The following NECAB3 variants were observed in gnomAD, a reference collection of about 807,000 sequenced individuals.
NECAB3 encodes N-terminal EF-hand calcium-binding protein 3.
A neutral mutation model predicts 57.2 loss-of-function variants in NECAB3; 38 were observed. That is an observed-to-expected ratio of 0.66 (90% CI 0.51 to 0.87). The LOEUF (loss-of-function observed/expected upper bound fraction) is 0.87, where lower values mean the gene tolerates loss of function less well. NECAB3 is among the 40% of genes least tolerant of loss of function. The pLI is 0.00. For missense variants in NECAB3, 474 were observed against 527.5 expected (o/e 0.90, Z 0.99); for synonymous variants, 223 against 222.6 (o/e 1.00, Z -0.02).
Position 33,668,253 on chromosome 20 carries a change from G to C in NECAB3, c.387+1122C>G, listed in dbSNP as rs776912431. The C allele has an allele frequency of 1.5e-5, 24 of 1,559,764 alleles. No homozygotes were observed. In the Admixed American group the frequency reaches 3.2e-4, roughly 21 times the overall value. On this transcript the variant is annotated intron_variant, in intron 5 of 11. Coordinates refer to ENST00000246190, the MANE Select transcript of NECAB3 (RefSeq NM_031232.4). ...TCAACTGAGTCAGGCTGGACTGGGG[G>C]GGGTGGCACTGCGTTGGGGGACAGC...
chr20:33,674,098 A>G, intron 1 of NECAB3, 126 bp downstream of exon 1: 1 of 1,043,106 alleles, frequency 9.6e-7, no homozygotes, highest in Non-Finnish European at 1.2e-6. Context: ...GGTCAAGAGA[A>G]AACAGCAGGG....
At position 33,660,443 on chromosome 20, in the gene NECAB3, T is replaced by G. The variant is rs2017435145; in HGVS notation, c.388-48A>C. ...CAGCATCTCCCAGCCCGGGCACTGA[T>G]CTCTTGAGTGGGTCCCCTGCCTCTT... On this transcript the variant is annotated intron_variant, in intron 5 of 11. Transcript: ENST00000246190. This position sits in a 1 kb window ranked among gnomAD's most constrained non-coding sequence, Gnocchi z 4.1. The G allele has an allele frequency of 6.3e-7, 1 of 1,599,014 alleles. No homozygotes were observed. The highest frequency in any genetic ancestry group is 8.5e-7 in the Non-Finnish European group (1 of 1,170,326).
intron 5 of NECAB3, chr20:33,668,172 C>A: frequency 6.2e-7 from 1 of 1,612,070 alleles, no homozygotes; most frequent in East Asian, 2.2e-5. Context: ...TCCAGCGCCG[C>A]TGGATAACTC....
intron 5 of NECAB3, among the ~76,000 whole-genome samples, chr20:33,666,215 C>T (rs951910393): frequency 1.3e-5 from 2 of 152,156 alleles, no homozygotes; most frequent in Admixed American, 6.5e-5. Context: ...GATGAAAAAG[C>T]TTTTTCTTCA....
chr20:33,668,089 C>T (rs1316127035), intron 5 of NECAB3: 4 of 1,598,152 alleles, frequency 2.5e-6, no homozygotes, highest in Non-Finnish European at 3.4e-6. Flanking sequence ...CCTGCGGCCC[C>T]ACCTGGTGGC....
At chr20:33,672,270 TCTC>T in intron 2 of NECAB3, 125 bp downstream of exon 2, 1 of 1,085,528 alleles carries the variant, frequency 9.2e-7, no homozygotes, top group Non-Finnish European at 1.4e-6. Flanking sequence ...CTTGATTGAT[TCTC>T]CTGTTTTGGG....
intron 5 of NECAB3, chr20:33,666,702 C>T (rs2017662460): frequency 6.6e-6 from 1 of 152,400 alleles, no homozygotes; most frequent in Non-Finnish European, 1.5e-5. Flanking sequence ...AACAGCAAAG[C>T]AGAGGCGGGT....
At chr20:33,663,658 G>A (rs769219793) in intron 5 of NECAB3, 19 of 1,589,592 alleles carry the variant, frequency 1.2e-5, no homozygotes, top group Non-Finnish European at 1.5e-5. Flanking sequence ...CGGAGCGGGC[G>A]AAGGTAGCGA....
intron 5 of NECAB3, chr20:33,662,510 C>T (rs1439756228): frequency 1.3e-6 from 2 of 1,543,930 alleles, no homozygotes; most frequent in African/African-American, 2.7e-5. Flanking sequence ...GGGGAGGCAG[C>T]TGGGGGGCAG....
chr20:33,659,747 CGTGCA>C lies in NECAB3; in HGVS notation c.644-20_644-16del. ...TGAGCTGCGCCCTGTGTGTGGGGCC[CGTGCA>C]GGGTCAGGCAGGGGCCTCTCAGGTC... On this transcript the variant is annotated splice_polypyrimidine_tract_variant and intron_variant, in intron 7 of 11. Coordinates refer to ENST00000246190, the MANE Select transcript of NECAB3 (RefSeq NM_031232.4). 6.4e-7 allele frequency: 1 copy of C among 1,572,898 alleles called. No individual in the cohort carries two copies. Among genetic ancestry groups the C allele is most frequent in the Non-Finnish European group, 8.6e-7 (1 of 1,162,810 alleles).
Position 33,660,246 on chromosome 20 carries a change from C to A in NECAB3, c.524+13G>T, listed in dbSNP as rs747807083. 1 of 1,610,858 alleles carries A rather than the reference C, an allele frequency of 6.2e-7. No individual in the cohort carries two copies. The highest frequency in any genetic ancestry group is 8.5e-7 in the Non-Finnish European group (1 of 1,178,512). On this transcript the variant is annotated intron_variant, in intron 6 of 11. Transcript: ENST00000246190. The surrounding 1 kb of genome is among the most constrained non-coding windows in gnomAD (Gnocchi z 4.1). Reference sequence around the variant, plus strand: ...GTGCACTAGCCCCACAGGTTGACAGCACCCTTACATACCGCCAGCCATGGG... The same window carrying A: ...GTGCACTAGCCCCACAGGTTGACAGAACCCTTACATACCGCCAGCCATGGG...
intron 5 of NECAB3, chr20:33,667,874 C>T: frequency 6.3e-7 from 1 of 1,599,276 alleles, no homozygotes; most frequent in Middle Eastern, 1.7e-4. Context: ...TGCCCCGAAC[C>T]CATCTTCCAG....
At position 33,658,741 on chromosome 20, in the gene NECAB3, C is replaced by A; in HGVS notation, c.973G>T (p.Ala325Ser). 2 of 1,613,720 alleles carry A rather than the reference C, an allele frequency of 1.2e-6. No homozygotes were observed. The highest frequency in any genetic ancestry group is 1.7e-6 in the Non-Finnish European group (2 of 1,179,932). ...ACTCACTGCAGACAATGGCTCTGGG[C>A]CCCTGTGAAGTCCACATAGCAGCGC... The part of the protein sequence containing the change: ...ALRCYVDFTG[A>S]QSHCLHVSAQ... Residue 325 changes from alanine (A) to serine (S), a missense_variant, in exon 9 of 12, where the codon GCC becomes TCC. Ala to Ser is a moderately conservative substitution (Grantham distance 99). Transcript: ENST00000246190.
At position 33,657,784 on chromosome 20, in the gene NECAB3, G is replaced by C. The variant is rs2017329982; in HGVS notation, c.*45C>G. ...CTGGCCAGTCCAGAAGGCTCCAGAG[G>C]GAGGCAGGCAGGGTCCCGGGGCCCT... On this transcript the variant is annotated 3_prime_UTR_variant, in exon 12 of 12. Transcript: ENST00000246190. 6.7e-7 allele frequency: 1 copy of C among 1,495,062 alleles called. No homozygotes were observed. The highest frequency in any genetic ancestry group is 8.9e-7 in the Non-Finnish European group (1 of 1,117,910). 92.6% of individuals were successfully genotyped at this position (1,495,062 alleles called of 1,614,324 possible). A position where few individuals can be genotyped will look rare whatever the true frequency, so the allele number is the denominator to read the frequency against.
At chr20:33,673,687 G>T (rs1000451973) in intron 1 of NECAB3, among the ~76,000 whole-genome samples, 2 of 152,174 alleles carry the variant, frequency 1.3e-5, no homozygotes, top group Admixed American at 6.5e-5. Context: ...GGCCAGGACA[G>T]AGCCGAGCAC....
intron 5 of NECAB3, chr20:33,662,230 G>C: frequency 2.2e-6 from 3 of 1,377,622 alleles, no homozygotes; most frequent in Non-Finnish European, 2.9e-6. Context: ...CCTGGAAGGC[G>C]GTGCTCAGAG....
chr20:33,662,451 C>T (rs1660828423), intron 5 of NECAB3: 1 of 1,551,726 alleles, frequency 6.4e-7, no homozygotes, highest in African/African-American at 1.4e-5. Flanking sequence ...CCTCAACCAC[C>T]TCACTCGGAA....
At chr20:33,662,310 T>C in intron 5 of NECAB3, 1 of 1,548,198 alleles carries the variant, frequency 6.5e-7, no homozygotes, top group Non-Finnish European at 8.7e-7. Flanking sequence ...GCAGACGGAG[T>C]GTGGGCCATC....
At chr20:33,674,110 CAG>C (rs2017894352) in intron 1 of NECAB3, 112 bp downstream of exon 1, 2 of 1,096,580 alleles carry the variant, frequency 1.8e-6, no homozygotes, top group Non-Finnish European at 2.3e-6. Flanking sequence ...ACAGCAGGGC[CAG>C]AGAGAGGGGA....
Sources: gnomAD v4.1 joint callset for allele counts (sites outside exome capture counted in the v4.1 genomes callset) on GRCh38, gnomAD v4.1.1 for gene constraint, Gnocchi (gnomAD v3.1) non-coding constraint, MANE v1.5 for transcripts, NCBI Gene and HGNC (gene_info 2026-07-23, HGNC 2026-07-21) for gene names.